ALLC: variants seen among roughly 807,000 people sequenced by gnomAD.
The protein encoded by ALLC is allantoicase, also known as probable inactive allantoicase.
Under a neutral mutation model 45.0 loss-of-function variants are expected in ALLC, and 40 were observed. The observed-to-expected ratio is 0.89, with a 90% CI of 0.69 to 1.16. The LOEUF is 1.16. ALLC is among the 50% of genes most tolerant of loss of function. The probability of loss-of-function intolerance (pLI) is 0.00; values close to 1 mark genes in which losing one functional copy is unlikely to be tolerated. For synonymous variants in ALLC, 176 were observed against 178.1 expected (o/e 0.99, Z 0.09); for missense variants, 488 against 493.1 (o/e 0.99, Z 0.10).
upstream of ALLC, among the ~76,000 whole-genome samples, chr2:3,655,135 C>A (rs924503103): frequency 6.6e-5 from 10 of 152,228 alleles, no homozygotes; most frequent in African/African-American, 2.4e-4. Flanking sequence ...CTCTGCAGGG[C>A]AGGTTGCACC....
chr2:3,653,582 G>T (rs1029156923), upstream of ALLC, among the ~76,000 whole-genome samples: 7 of 152,156 alleles, frequency 4.6e-5, no homozygotes, highest in African/African-American at 1.7e-4. This position sits in a 1 kb window ranked among gnomAD's most constrained non-coding sequence, Gnocchi z 4.1. Context: ...ATCACAGTTT[G>T]TTGGGGGATT....
At chr2:3,653,194 C>G in the ALLC span, among the ~76,000 whole-genome samples, 1 of 152,268 alleles carries the variant, frequency 6.6e-6, no homozygotes, top group Non-Finnish European at 1.5e-5. The surrounding 1 kb of genome is among the most constrained non-coding windows in gnomAD (Gnocchi z 4.1). Flanking sequence ...TGGAGCATCA[C>G]TCTGTCTCCT....
Position 3,697,070 on chromosome 2 carries a change from T to G in ALLC, c.742-278T>G, listed in dbSNP as rs550674792. Among the ~76,000 whole-genome samples the G allele has an allele frequency of 8.5e-5, 13 of 152,332 alleles. No homozygotes were observed. In the South Asian group the frequency reaches 2.7e-3, roughly 32 times the overall value. On this transcript the variant is annotated intron_variant, in intron 9 of 11. Coordinates refer to ENST00000252505, the MANE Select transcript of ALLC (RefSeq NM_018436.4). ...ATGGACTGGAATAGACGAAGATTGC[T>G]GCACGTATAACATTTTGCAGGGATC...
At chr2:3,651,296 T>TGGATG in the ALLC span, among the ~76,000 whole-genome samples, 27 of 3,938 alleles carry the variant, frequency 6.9e-3, 1 homozygote, top group Non-Finnish European at 0.023. Flanking sequence ...GGAATTCTTT[T>TGGATG]TGGGTGGGTG....
intron 1 of ALLC, 75 bp downstream of exon 1, chr2:3,658,369 A>T (rs1366999504): frequency 6.6e-6 from 1 of 152,240 alleles, no homozygotes; most frequent in Non-Finnish European, 1.5e-5. Flanking sequence ...GGTGACAGAG[A>T]TGAATTTCAG....
At position 3,671,152 on chromosome 2, in the gene ALLC, C is replaced by T. The variant is rs757050465; in HGVS notation, c.-6C>T. The T allele has an allele frequency of 1.2e-6, 2 of 1,610,980 alleles. No homozygotes were observed. ...ACTGACCCGGTTTCTGGACTTCACC[C>T]AGCTGATGGACATGGCATCTGAATC... is the stretch of plus-strand genomic sequence containing the variant. On this transcript the variant is annotated 5_prime_UTR_variant, in exon 2 of 12. Coordinates refer to ENST00000252505, the MANE Select transcript of ALLC (RefSeq NM_018436.4).
chr2:3,658,712 C>A (rs1054855974), intron 1 of ALLC, among the ~76,000 whole-genome samples: 10 of 151,496 alleles, frequency 6.6e-5, no homozygotes, highest in African/African-American at 2.2e-4. Context: ...TACCAAAAAT[C>A]AAAAAAATAG....
the ALLC span, among the ~76,000 whole-genome samples, chr2:3,650,640 C>G: frequency 6.6e-6 from 1 of 152,166 alleles, no homozygotes; most frequent in Admixed American, 6.5e-5. Flanking sequence ...TGCTCTGCTC[C>G]TGGGGCGTCT....
chr2:3,686,518 A>G (rs1286601304), intron 7 of ALLC, among the ~76,000 whole-genome samples: 1 of 150,980 alleles, frequency 6.6e-6, no homozygotes, highest in African/African-American at 2.4e-5. Context: ...GAATCTGTAA[A>G]TTGCTTTGGA....
chr2:3,693,215 T>G (rs1489290356), intron 7 of ALLC, among the ~76,000 whole-genome samples: 1 of 152,166 alleles, frequency 6.6e-6, no homozygotes, highest in Non-Finnish European at 1.5e-5. Context: ...TCAACCCCCC[T>G]AAATTTTACC....
In ALLC at chr2:3,679,929, A is replaced by C. The variant is rs1667131513; in HGVS notation, c.233A>C (p.Asp78Ala). The C allele has an allele frequency of 6.2e-7, 1 of 1,613,914 alleles. No homozygotes were observed. Among genetic ancestry groups the C allele is most frequent in the Non-Finnish European group, 8.5e-7 (1 of 1,179,872 alleles). Residue 78 changes from aspartate (D) to alanine (A), a missense_variant, in exon 5 of 12, where the codon GAC becomes GCC. Physicochemically the swap from Asp to Ala is moderately radical, Grantham distance 126 (BLOSUM62 -2). Transcript: ENST00000252505. ...IQGVIRGFDV[D>A]VSYFTGDYAP... ...GGAGTCATCCGGGGCTTCGACGTGG[A>C]CGTTTCTTACTTCACGGGAGATTAC...
chr2:3,652,119 A>G, the ALLC span, among the ~76,000 whole-genome samples: 1 of 152,178 alleles, frequency 6.6e-6, no homozygotes, highest in African/African-American at 2.4e-5. Context: ...GGAGGCCCGG[A>G]GCCCCGCCTC....
chr2:3,681,112 C>T (rs934962538), intron 5 of ALLC, among the ~76,000 whole-genome samples: 6 of 152,194 alleles, frequency 3.9e-5, no homozygotes, highest in South Asian at 2.1e-4. Flanking sequence ...TGGACACGAA[C>T]GGGCCCTGCT....
chr2:3,696,825 A>G (rs975313391), intron 9 of ALLC, among the ~76,000 whole-genome samples: 18 of 152,218 alleles, frequency 1.2e-4, no homozygotes, highest in African/African-American at 4.3e-4. Flanking sequence ...GTGAAACAAA[A>G]AATACAATGC....
intron 7 of ALLC, among the ~76,000 whole-genome samples, chr2:3,690,239 A>C (rs1667439429): frequency 1.3e-5 from 1 of 78,440 alleles, no homozygotes; most frequent in Non-Finnish European, 2.5e-5. Flanking sequence ...TTGTTTTCTG[A>C]TCCCCTCCCC....
intron 7 of ALLC, among the ~76,000 whole-genome samples, chr2:3,693,228 C>A (rs935662170): frequency 2.0e-5 from 3 of 152,214 alleles, no homozygotes; most frequent in African/African-American, 7.2e-5. Context: ...ATTTTACCAG[C>A]TCCACTGAGG....
chr2:3,695,573 G>T, intron 7 of ALLC, 144 bp from the exon 8 acceptor site: 1 of 825,760 alleles, frequency 1.2e-6, no homozygotes, highest in Admixed American at 2.4e-5. Context: ...TGGGGCAGTG[G>T]GCTTGTTGTA....
intron 1 of ALLC, among the ~76,000 whole-genome samples, chr2:3,668,208 G>T (rs958718610): frequency 4.6e-5 from 7 of 152,212 alleles, no homozygotes; most frequent in Non-Finnish European, 1.0e-4. Flanking sequence ...TTGCTGAGGA[G>T]GTGATTGTCA....
the ALLC span, among the ~76,000 whole-genome samples, chr2:3,653,004 C>A: frequency 2.4e-4 from 36 of 152,334 alleles, no homozygotes; most frequent in African/African-American, 7.9e-4. This position sits in a 1 kb window ranked among gnomAD's most constrained non-coding sequence, Gnocchi z 4.1. Context: ...ACTCTGGTGT[C>A]TCTGGGTAGC....
Sources: gnomAD v4.1 joint callset for allele counts (sites outside exome capture counted in the v4.1 genomes callset) on GRCh38, gnomAD v4.1.1 for gene constraint, Gnocchi (gnomAD v3.1) non-coding constraint, MANE v1.5 for transcripts, NCBI Gene and HGNC (gene_info 2026-07-23, HGNC 2026-07-21) for gene names.